The following EPS15L1 variants were observed in gnomAD, a reference collection of about 807,000 sequenced individuals.
EPS15L1 encodes epidermal growth factor receptor substrate 15-like 1.
Under a neutral mutation model 117.1 loss-of-function variants are expected in EPS15L1, and 43 were observed. That is an observed-to-expected ratio of 0.37 (90% CI 0.29 to 0.47). EPS15L1 has a LOEUF of 0.47. EPS15L1 is among the 20% of genes least tolerant of loss of function. EPS15L1 has a pLI of 0.99. For synonymous variants in EPS15L1, 459 were observed against 470.5 expected (o/e 0.98, Z 0.32); for missense variants, 981 against 1,164.0 (o/e 0.84, Z 2.29).
At chr19:16,456,881 G>A (rs2093202381) in intron 1 of EPS15L1, among the ~76,000 whole-genome samples, 1 of 152,126 alleles carries the variant, frequency 6.6e-6, no homozygotes, top group Non-Finnish European at 1.5e-5. Context: ...AGGTGGAAGG[G>A]CATGTGCATA....
At chr19:16,361,651 G>C in intron 23 of EPS15L1, 128 bp downstream of exon 23, 1 of 1,433,622 alleles carries the variant, frequency 7.0e-7, no homozygotes, top group Non-Finnish European at 9.2e-7. Context: ...TAACGCGAGG[G>C]ACAGAGAGTG....
At position 16,405,637 on chromosome 19, in the gene EPS15L1, T is replaced by G. The variant is rs1430273299; in HGVS notation, c.1267-888A>C. Among the ~76,000 whole-genome samples, 1 of 152,188 alleles carries G rather than the reference T, an allele frequency of 6.6e-6. No individual in the cohort carries two copies. The highest frequency in any genetic ancestry group is 1.5e-5 in the Non-Finnish European group (1 of 68,028). ...CACACTGTGGGACGCTCCTTGGCCA[T>G]GGAACGGGATGGCGCCGTGTGCTTT... is the stretch of plus-strand genomic sequence containing the variant. On this transcript the variant is annotated intron_variant, in intron 13 of 23. Coordinates refer to ENST00000455140, the MANE Select transcript of EPS15L1 (RefSeq NM_001258374.3). The surrounding 1 kb of genome is among the most constrained non-coding windows in gnomAD (Gnocchi z 4.0).
At chr19:16,369,428 G>C (rs2092188656) in intron 22 of EPS15L1, among the ~76,000 whole-genome samples, 2 of 152,210 alleles carry the variant, frequency 1.3e-5, no homozygotes, top group African/African-American at 4.8e-5. Flanking sequence ...GCCACTGCTG[G>C]CCGCTGTGTT....
intron 20 of EPS15L1, among the ~76,000 whole-genome samples, 158 bp from the exon 21 acceptor site, chr19:16,385,369 G>GC (rs1248953976): frequency 6.6e-6 from 1 of 152,082 alleles, no homozygotes; most frequent in Admixed American, 6.5e-5. Context: ...TCTCAGCAAG[G>GC]CCCCCCTGCC....
chr19:16,456,793 A>G (rs1463171114), intron 1 of EPS15L1, among the ~76,000 whole-genome samples: 1 of 152,084 alleles, frequency 6.6e-6, no homozygotes, highest in East Asian at 1.9e-4. Flanking sequence ...CAGTGAGGGG[A>G]ACTCAGGGCT....
intron 1 of EPS15L1, among the ~76,000 whole-genome samples, chr19:16,449,846 C>G (rs1290132126): frequency 6.6e-6 from 1 of 152,148 alleles, no homozygotes; most frequent in Non-Finnish European, 1.5e-5. Context: ...GACACATATG[C>G]AATAATCTGG....
rs528416190 is a variant in EPS15L1 at position 16,427,975 on chromosome 19, G to A, written c.558+727C>T. Reference sequence around the variant, plus strand: ...TCCCAGCACTTTGGGAGGCCAAGGCGGGTGGATCACTAGGCAGGAGATCGA... The same window carrying A: ...TCCCAGCACTTTGGGAGGCCAAGGCAGGTGGATCACTAGGCAGGAGATCGA... On this transcript the variant is annotated intron_variant, in intron 8 of 23. Transcript: ENST00000455140. 4.6e-5 allele frequency among the ~76,000 whole-genome samples: 7 copies of A among 151,566 alleles called. No homozygotes were observed. The East Asian group carries it at 5.9e-4, about 13-fold the overall frequency.
Position 16,437,850 on chromosome 19 carries a change from G to C in EPS15L1, c.229C>G (p.Leu77Val). The part of the protein sequence containing the change: ...FLDKQGFYVA[L>V]RLVACAQSGH... ...CTCTGTGCACAGGCCACCAGTCTCAGTGCAACATAGAAACCCTGCAAGTCC... is the reference window on the plus strand; with the variant it reads ...CTCTGTGCACAGGCCACCAGTCTCACTGCAACATAGAAACCCTGCAAGTCC... The change falls in exon 5 of 24, where the codon CTG becomes GTG. Residue 77 changes from leucine to valine, a missense_variant. By Grantham distance (32) the Leu-to-Val change is conservative. This residue lies in a region of EPS15L1 where 62 missense variants were observed against 104.2 expected (regional missense o/e 0.59). Transcript: ENST00000455140. The C allele has an allele frequency of 6.2e-7, 1 of 1,613,936 alleles. No homozygotes were observed. The highest frequency in any genetic ancestry group is 1.3e-5 in the African/African-American group (1 of 75,030).
At chr19:16,395,612 G>T in intron 16 of EPS15L1, 145 bp from the exon 17 acceptor site, 1 of 858,108 alleles carries the variant, frequency 1.2e-6, no homozygotes, top group Non-Finnish European at 1.8e-6. Context: ...AGGCTGGCCT[G>T]GGCAACATAG....
intron 16 of EPS15L1, among the ~76,000 whole-genome samples, chr19:16,395,942 C>CAA (rs776880434): frequency 2.6e-3 from 137 of 53,380 alleles, no homozygotes; most frequent in African/African-American, 0.01. Flanking sequence ...GAGTCTATCT[C>CAA]AAAAAAAAAA....
intron 21 of EPS15L1, among the ~76,000 whole-genome samples, chr19:16,384,521 G>A (rs150423243): frequency 4.6e-5 from 7 of 152,274 alleles, no homozygotes; most frequent in East Asian, 1.9e-4. Context: ...CACTGCCAGC[G>A]TCTGGAGAAG....
chr19:16,392,588 G>A, intron 18 of EPS15L1, 148 bp from the exon 19 acceptor site: 2 of 740,544 alleles, frequency 2.7e-6, no homozygotes, highest in East Asian at 5.4e-5. Context: ...GGTGGCCAGG[G>A]GACCCTGAGG....
intron 6 of EPS15L1, 192 bp downstream of exon 6, chr19:16,436,745 G>T: frequency 2.0e-6 from 1 of 508,860 alleles, no homozygotes; most frequent in Non-Finnish European, 3.5e-6. Flanking sequence ...TTTGTAAAAG[G>T]TGTTCATTAG....
chr19:16,385,062 G>A, intron 21 of EPS15L1, 67 bp downstream of exon 21: 1 of 1,242,142 alleles, frequency 8.1e-7, no homozygotes, highest in Non-Finnish European at 1.2e-6. Flanking sequence ...ACGCCTGGCA[G>A]CCCACACCAT....
chr19:16,421,692 G>A (rs898183272), intron 9 of EPS15L1, among the ~76,000 whole-genome samples: 2 of 152,148 alleles, frequency 1.3e-5, no homozygotes, highest in African/African-American at 4.8e-5. Context: ...AGCTCACCCA[G>A]ATGCCAGTCT....
At chr19:16,399,463 A>T (rs2092574400) in intron 16 of EPS15L1, among the ~76,000 whole-genome samples, 1 of 152,130 alleles carries the variant, frequency 6.6e-6, no homozygotes, top group African/African-American at 2.4e-5. Flanking sequence ...CTTAGGAAAT[A>T]CACACGGCAA....
intron 16 of EPS15L1, among the ~76,000 whole-genome samples, chr19:16,395,921 G>A (rs1407631898): frequency 1.9e-5 from 2 of 106,396 alleles, no homozygotes; most frequent in African/African-American, 1.4e-4. Flanking sequence ...CTCCAGCCTG[G>A]GCGATAGAGT....
chr19:16,413,337 A>G (rs2092725681), intron 13 of EPS15L1: 2 of 690,300 alleles, frequency 2.9e-6, no homozygotes, highest in Admixed American at 2.1e-5. Context: ...GAAGCTGCTC[A>G]TGATGGCTAG....
chr19:16,361,085 T>C (rs752078366), intron 23 of EPS15L1, among the ~76,000 whole-genome samples: 10 of 152,196 alleles, frequency 6.6e-5, no homozygotes, highest in Non-Finnish European at 1.3e-4. Context: ...GGAATATTTT[T>C]TCACACAGAG....
Sources: gnomAD v4.1 joint callset for allele counts (sites outside exome capture counted in the v4.1 genomes callset) on GRCh38, gnomAD v4.1.1 for gene constraint, gnomAD v4.1.1 regional missense constraint, Gnocchi (gnomAD v3.1) non-coding constraint, MANE v1.5 for transcripts, NCBI Gene and HGNC (gene_info 2026-07-23, HGNC 2026-07-21) for gene names.